Variants in IKZF3 observed in about 807,000 individuals in gnomAD.
IKZF3 encodes the protein zinc finger protein Aiolos.
In IKZF3, 10 loss-of-function variants were observed where a neutral mutation model predicts 49.0. The observed-to-expected ratio is 0.20, with a 90% CI of 0.13 to 0.35. The LOEUF is 0.35. IKZF3 is among the 10% of genes least tolerant of loss of function. The probability of loss-of-function intolerance (pLI) is 1.00; values close to 1 mark genes in which losing one functional copy is unlikely to be tolerated. For missense variants in IKZF3, 498 were observed against 664.8 expected (o/e 0.75, Z 2.76); for synonymous variants, 209 against 228.2 (o/e 0.92, Z 0.76).
intron 6 of IKZF3, among the ~76,000 whole-genome samples, chr17:39,787,525 A>G (rs2060901704): frequency 6.6e-6 from 1 of 152,164 alleles, no homozygotes; most frequent in Non-Finnish European, 1.5e-5. Context: ...AATTTTTGCC[A>G]TTTTTTGTAA....
At chr17:39,835,129 C>T (rs1011838848) in intron 1 of IKZF3, 8 of 462,900 alleles carry the variant, frequency 1.7e-5, no homozygotes, top group Admixed American at 4.8e-5. Context: ...CTTGTAAGGC[C>T]CCTGTAGGCT....
At chr17:39,797,429 T>C (rs1476108181) in intron 3 of IKZF3, among the ~76,000 whole-genome samples, 8 of 151,028 alleles carry the variant, frequency 5.3e-5, no homozygotes, top group Non-Finnish European at 5.9e-5. Flanking sequence ...TTCTTTCTTT[T>C]TTTTTTTTTT....
chr17:39,824,058 G>A (rs551503817), intron 3 of IKZF3, among the ~76,000 whole-genome samples: 6 of 152,308 alleles, frequency 3.9e-5, no homozygotes, highest in South Asian at 2.1e-4. Context: ...GACACTCAAC[G>A]CCAGCCCGTG....
intron 6 of IKZF3, among the ~76,000 whole-genome samples, chr17:39,779,847 A>G (rs1383850599): frequency 2.0e-5 from 3 of 152,154 alleles, no homozygotes; most frequent in Non-Finnish European, 4.4e-5. Flanking sequence ...TGAACTATCC[A>G]TACATTTCTA....
At position 39,763,025 on chromosome 17, in the gene IKZF3, C is replaced by T. The variant is rs2060215439; in HGVS notation, c.*2765G>A. 1 of 152,156 alleles carries T rather than the reference C, an allele frequency of 6.6e-6. No individual in the cohort carries two copies. The highest frequency in any genetic ancestry group is 6.5e-5 in the Admixed American group (1 of 15,274). 9.4% of individuals were successfully genotyped at this position (152,156 alleles called of 1,614,324 possible). A position where few individuals can be genotyped will look rare whatever the true frequency, so the allele number is the denominator to read the frequency against. On this transcript the variant is annotated 3_prime_UTR_variant, in exon 8 of 8. Coordinates refer to ENST00000346872, the MANE Select transcript of IKZF3 (RefSeq NM_012481.5). ...CTCTTTCTCTTGTCCCTTGAAGAACCAACAGGATGTGCGATATTTCAAGAA... is the reference window on the plus strand; with the variant it reads ...CTCTTTCTCTTGTCCCTTGAAGAACTAACAGGATGTGCGATATTTCAAGAA...
intron 3 of IKZF3, among the ~76,000 whole-genome samples, chr17:39,793,228 A>T (rs567345968): frequency 6.6e-6 from 1 of 152,346 alleles, no homozygotes; most frequent in African/African-American, 2.4e-5. Context: ...TGGCCATGAA[A>T]CAAACATTGA....
chr17:39,783,919 A>G (rs2060808410), intron 6 of IKZF3, among the ~76,000 whole-genome samples: 1 of 152,038 alleles, frequency 6.6e-6, no homozygotes, highest in Non-Finnish European at 1.5e-5. Context: ...ACAGAGTGAG[A>G]CTCTGTCTCA....
At chr17:39,861,861 A>C (rs1184899412) in intron 1 of IKZF3, among the ~76,000 whole-genome samples, 1 of 152,228 alleles carries the variant, frequency 6.6e-6, no homozygotes, top group Non-Finnish European at 1.5e-5. Context: ...AGATAAACTT[A>C]TCTCTTATGT....
rs1287537702 is a variant in IKZF3 at position 39,759,649 on chromosome 17, A to G, written c.*6141T>C. ...GGTCAGGAGTCCTGAACCCTGGCTT[A>G]TTCTCAGAACCATTCAGTCGTGCTG... On this transcript the variant is annotated 3_prime_UTR_variant, in exon 8 of 8. Transcript: ENST00000346872. 3 of 152,200 alleles carry G rather than the reference A, an allele frequency of 2.0e-5. No individual in the cohort carries two copies. The highest frequency in any genetic ancestry group is 2.0e-4 in the Admixed American group (3 of 15,288). 9.4% of individuals were successfully genotyped at this position (152,200 alleles called of 1,614,324 possible).
intron 1 of IKZF3, among the ~76,000 whole-genome samples, chr17:39,860,183 C>T (rs1250013442): frequency 6.6e-6 from 1 of 151,816 alleles, no homozygotes; most frequent in African/African-American, 2.4e-5. Flanking sequence ...GCAGGAGGAT[C>T]GTCTGAGCCT....
intron 3 of IKZF3, among the ~76,000 whole-genome samples, chr17:39,795,160 C>T (rs961504708): frequency 6.6e-6 from 1 of 152,128 alleles, no homozygotes; most frequent in African/African-American, 2.4e-5. Context: ...GTTGGCCTGA[C>T]CTGGAATTCA....
chr17:39,791,453 T>C lies in IKZF3; in HGVS notation c.555A>G (p.Arg185=). ...KCHLCNYACQ[R]RDALTGHLRT... is the part of the protein sequence containing the mutation. ...TAAGATGCCCCGTGAGCGCATCTCTTCTTTGGCATGCATAGTTGCAGAGGT... is the reference window on the plus strand; with the variant it reads ...TAAGATGCCCCGTGAGCGCATCTCTCCTTTGGCATGCATAGTTGCAGAGGT... The change falls in exon 5 of 8, where the codon AGA becomes AGG. Residue 185 remains arginine (R), a synonymous_variant. Coordinates refer to ENST00000346872, the MANE Select transcript of IKZF3 (RefSeq NM_012481.5). The C allele has an allele frequency of 6.2e-7, 1 of 1,614,082 alleles. No homozygotes were observed. The highest frequency in any genetic ancestry group is 8.5e-7 in the Non-Finnish European group (1 of 1,179,982).
At chr17:39,835,528 G>T in intron 1 of IKZF3, 1 of 429,118 alleles carries the variant, frequency 2.3e-6, no homozygotes, top group South Asian at 1.8e-5. Context: ...TGCTTCCCAG[G>T]CAGGGTCTGC....
intron 7 of IKZF3, among the ~76,000 whole-genome samples, chr17:39,775,662 C>T (rs1283490145): frequency 2.0e-5 from 3 of 152,172 alleles, no homozygotes; most frequent in Non-Finnish European, 2.9e-5. Context: ...CAGTGGCTCA[C>T]GCCTGTAATC....
In IKZF3 at chr17:39,854,314, TA is replaced by T. The variant is rs563289553; in HGVS notation, c.7+9805del. 5.3e-4 allele frequency among the ~76,000 whole-genome samples: 75 copies of T among 142,804 alleles called. No individual in the cohort carries two copies. In the East Asian group the frequency reaches 5.6e-3, roughly 11 times the overall value. 93.7% of individuals were successfully genotyped at this position (142,804 alleles called of 152,430 possible). On this transcript the variant is annotated intron_variant, in intron 1 of 7. Transcript: ENST00000346872. ...CAGAAGGATGCATGCTGCATCAATT[TA>T]AAAAAAAAAACAAGCAAGGAAATAA... is the stretch of plus-strand genomic sequence containing the variant.
At chr17:39,779,977 A>G (rs541059901) in intron 6 of IKZF3, among the ~76,000 whole-genome samples, 7 of 152,218 alleles carry the variant, frequency 4.6e-5, no homozygotes, top group Admixed American at 2.0e-4. Flanking sequence ...AGGCAGGAAG[A>G]TTGCTTGAGG....
chr17:39,802,938 CTAA>C (rs1270667403), intron 3 of IKZF3, among the ~76,000 whole-genome samples: 1 of 152,012 alleles, frequency 6.6e-6, no homozygotes, highest in Non-Finnish European at 1.5e-5. Context: ...CTCAATTTTA[CTAA>C]TAACATTAAT....
intron 1 of IKZF3, chr17:39,835,665 G>T: frequency 2.3e-6 from 1 of 439,404 alleles, no homozygotes; most frequent in South Asian, 1.8e-5. Context: ...GTTATGCGTG[G>T]ACAGCCCCAC....
chr17:39,827,682 T>A (rs907984057), intron 3 of IKZF3, among the ~76,000 whole-genome samples: 1 of 152,102 alleles, frequency 6.6e-6, no homozygotes, highest in African/African-American at 2.4e-5. Context: ...ACACAAATGG[T>A]CAGTACCACG....
Sources: allele counts gnomAD v4.1 joint callset (sites outside exome capture counted in the v4.1 genomes callset), GRCh38; gene constraint gnomAD v4.1.1; transcripts MANE v1.5; gene names NCBI Gene and HGNC (gene_info 2026-07-23, HGNC 2026-07-21).